NEBL: variants seen among roughly 807,000 people sequenced by gnomAD.
NEBL encodes the protein LIM and SH3 protein 2.
In NEBL, 122 loss-of-function variants were observed where a neutral mutation model predicts 140.2. The ratio of observed to expected loss-of-function variants is 0.87; its 90% CI spans 0.75 to 1.01. The LOEUF (loss-of-function observed/expected upper bound fraction) is 1.01. Among genes scored for constraint, NEBL ranks in the 50% least tolerant of loss-of-function variants. NEBL has a pLI of 0.00. For synonymous variants in NEBL, 436 were observed against 398.9 expected (o/e 1.09, Z -1.11); for missense variants, 1,365 against 1,231.3 (o/e 1.11, Z -1.62).
intron 3 of NEBL, among the ~76,000 whole-genome samples, chr10:21,219,945 G>T (rs1842044187): frequency 6.9e-6 from 1 of 144,786 alleles, no homozygotes; most frequent in South Asian, 2.2e-4. Flanking sequence ...ACAGAGTATT[G>T]CTTTGTTGCC....
chr10:20,795,125 G>A (rs77288884), intron 26 of NEBL, among the ~76,000 whole-genome samples: 1 of 152,024 alleles, frequency 6.6e-6, no homozygotes, highest in African/African-American at 2.4e-5. Flanking sequence ...TCAGAAAAGT[G>A]TAAGAGTACT....
intron 4 of NEBL, among the ~76,000 whole-genome samples, chr10:20,918,246 T>TA (rs1400426349): frequency 6.6e-6 from 1 of 152,086 alleles, no homozygotes; most frequent in African/African-American, 2.4e-5. Flanking sequence ...TAATCCCAGC[T>TA]ACTCAGGAGG....
chr10:21,111,870 A>G (rs1305888936), intron 2 of NEBL, among the ~76,000 whole-genome samples: 2 of 152,200 alleles, frequency 1.3e-5, no homozygotes, highest in African/African-American at 4.8e-5. Flanking sequence ...CAGAATCTAC[A>G]AAGAACTTAA....
At chr10:20,994,589 C>A (rs994121727) in intron 3 of NEBL, among the ~76,000 whole-genome samples, 2 of 152,146 alleles carry the variant, frequency 1.3e-5, no homozygotes, top group Admixed American at 6.5e-5. Context: ...CATTGACCCC[C>A]CCGTACACTC....
In NEBL at chr10:21,278,170, G is replaced by A. The variant is rs3898483; in HGVS notation, n.182+14660C>T. Among the ~76,000 whole-genome samples the A allele has an allele frequency of 3.0e-3, 458 of 152,322 alleles. 3 individuals are homozygous for A. Among genetic ancestry groups the A allele is most frequent in the African/African-American group, 9.8e-3 (409 of 41,564 alleles). On this transcript the variant is annotated intron_variant and non_coding_transcript_variant, in intron 1 of 8. Transcript: ENST00000675702. ...AAAGATCTGATTTGAGCCGGGCATG[G>A]TGGTGCACACATGCAGTCCCAGCTA...
Position 20,780,673 on chromosome 10 carries a change from T to A in NEBL, c.*5074A>T, listed in dbSNP as rs943922173. The A allele has an allele frequency of 1.3e-5, 2 of 152,148 alleles. No individual in the cohort carries two copies. The highest frequency in any genetic ancestry group is 3.8e-4 in the East Asian group (2 of 5,198). 9.4% of individuals were successfully genotyped at this position (152,148 alleles called of 1,614,324 possible). A position where few individuals can be genotyped will look rare whatever the true frequency, so the allele number is the denominator to read the frequency against. ...CCTGCATTTATTTAAGCAAACCAAA[T>A]GTGTAGAGATAGGAAATTAATGTGT... is the stretch of plus-strand genomic sequence containing the variant. On this transcript the variant is annotated 3_prime_UTR_variant, in exon 28 of 28. Transcript: ENST00000377122.
intron 2 of NEBL, among the ~76,000 whole-genome samples, chr10:21,103,215 C>CAT (rs950470894): frequency 7.1e-6 from 1 of 140,256 alleles, no homozygotes; most frequent in Non-Finnish European, 1.6e-5. Context: ...TTTTCAACTC[C>CAT]TTTTTTTTTT....
intron 2 of NEBL, among the ~76,000 whole-genome samples, chr10:21,052,977 T>C (rs1834842172): frequency 6.6e-6 from 1 of 152,160 alleles, no homozygotes; most frequent in African/African-American, 2.4e-5. Flanking sequence ...CACAACAATA[T>C]ATTGTCTATT....
At chr10:21,159,150 G>A (rs999845654) in intron 2 of NEBL, among the ~76,000 whole-genome samples, 1 of 151,984 alleles carries the variant, frequency 6.6e-6, no homozygotes, top group Non-Finnish European at 1.5e-5. Flanking sequence ...TTCTCTCTCT[G>A]AAATAATTAA....
intron 2 of NEBL, among the ~76,000 whole-genome samples, chr10:21,052,562 T>C (rs1589178349): frequency 6.6e-6 from 1 of 152,326 alleles, no homozygotes; most frequent in East Asian, 1.9e-4. Flanking sequence ...AGTCACCAGC[T>C]GACTGTCACC....
chr10:21,250,877 G>C (rs1403311291), intron 2 of NEBL, among the ~76,000 whole-genome samples: 1 of 152,146 alleles, frequency 6.6e-6, no homozygotes, highest in African/African-American at 2.4e-5. Flanking sequence ...TGGGCAACAA[G>C]AGCAAGACTC....
chr10:21,272,858 G>A (rs537840459), intron 1 of NEBL, among the ~76,000 whole-genome samples: 1 of 151,986 alleles, frequency 6.6e-6, no homozygotes, highest in Non-Finnish European at 1.5e-5. Flanking sequence ...TTGCTTTATT[G>A]ATATTATGTC....
At chr10:20,822,549 A>G (rs78082104) in intron 19 of NEBL, among the ~76,000 whole-genome samples, 3,787 of 151,618 alleles carry the variant, frequency 0.025, 159 homozygotes, top group African/African-American at 0.088. Flanking sequence ...TAGTCTAACT[A>G]GATATAGAAA....
At chr10:20,898,243 TTTA>T (rs1206494770), upstream of NEBL, among the ~76,000 whole-genome samples, 3 of 152,190 alleles carry the variant, frequency 2.0e-5, no homozygotes, top group African/African-American at 7.2e-5. Context: ...CAACTCACAA[TTTA>T]TTAATCTGGT....
rs540069756 is a variant in NEBL at position 21,181,848 on chromosome 10, G to A, written n.349-9371C>T. Among the ~76,000 whole-genome samples the A allele has an allele frequency of 7.0e-4, 106 of 152,196 alleles. No homozygotes were observed. In the South Asian group the frequency reaches 0.013, roughly 19 times the overall value. ...ACAGCCTTATTCTTTCTTATTTCCA[G>A]TAAGTATTCCAAAGAAAAACATGTT... On this transcript the variant is annotated intron_variant and non_coding_transcript_variant, in intron 3 of 8. Transcript: ENST00000675702.
At chr10:20,902,922 T>A (rs903224915) in intron 4 of NEBL, among the ~76,000 whole-genome samples, 1 of 152,192 alleles carries the variant, frequency 6.6e-6, no homozygotes. Flanking sequence ...AATGGGCACA[T>A]AGAAAACAAA....
intron 3 of NEBL, among the ~76,000 whole-genome samples, chr10:20,990,999 C>T (rs554293840): frequency 1.3e-5 from 2 of 152,296 alleles, no homozygotes; most frequent in African/African-American, 4.8e-5. Context: ...TCAAGCTCTG[C>T]CCTATACAAC....
At chr10:20,831,332 A>C (rs755562374) in intron 15 of NEBL, 26 bp from the exon 16 acceptor site, 20 of 1,575,574 alleles carry the variant, frequency 1.3e-5, no homozygotes, top group Non-Finnish European at 7.0e-6. Flanking sequence ...ATAATCTTAG[A>C]GCTTTGCTTA....
chr10:21,003,579 T>A (rs573024419), intron 3 of NEBL, among the ~76,000 whole-genome samples: 1 of 152,310 alleles, frequency 6.6e-6, no homozygotes, highest in Admixed American at 6.5e-5. Flanking sequence ...AATACCTACA[T>A]CTGAAACCAA....
Sources: gnomAD v4.1 joint callset for allele counts (sites outside exome capture counted in the v4.1 genomes callset) on GRCh38, gnomAD v4.1.1 for gene constraint, MANE v1.5 for transcripts, NCBI Gene and HGNC (gene_info 2026-07-23, HGNC 2026-07-21) for gene names.